Variants in DLEC1 observed in about 807,000 individuals in gnomAD.
DLEC1 encodes the protein DLEC1 cilia and flagella associated protein, also known as deleted in lung and esophageal cancer protein 1.
A neutral mutation model predicts 198.1 loss-of-function variants in DLEC1; 146 were observed. That is an observed-to-expected ratio of 0.74 (90% CI 0.64 to 0.85). The LOEUF (loss-of-function observed/expected upper bound fraction) is 0.85. DLEC1 is among the 40% of genes least tolerant of loss of function. DLEC1 has a pLI of 0.00. For synonymous variants in DLEC1, 897 were observed against 866.8 expected (o/e 1.03, Z -0.61); for missense variants, 2,233 against 2,220.0 (o/e 1.01, Z -0.12).
rs188436496 is a variant in DLEC1 at position 38,093,803 on chromosome 3, C to T, written c.1919+36C>T. ...CCTGTGTGTGCCCCAATACCCAACC[C>T]TTCTTCTTGCTTACCTGGCCCTCAG... On this transcript the variant is annotated intron_variant, in intron 12 of 36. Coordinates refer to ENST00000308059, the MANE Select transcript of DLEC1 (RefSeq NM_007335.4). The T allele has an allele frequency of 4.9e-5, 78 of 1,607,442 alleles. No individual in the cohort carries two copies. In the East Asian group the frequency reaches 1.7e-3, roughly 35 times the overall value.
At chr3:38,117,174 AG>A in intron 30 of DLEC1, 33 bp from the exon 31 acceptor site, 1 of 1,614,114 alleles carries the variant, frequency 6.2e-7, no homozygotes, top group Non-Finnish European at 8.5e-7. Context: ...TACTCAGCCC[AG>A]GGATCAGCTG....
intron 34 of DLEC1, among the ~76,000 whole-genome samples, chr3:38,120,991 C>G (rs746330328): frequency 6.6e-6 from 1 of 152,194 alleles, no homozygotes; most frequent in East Asian, 1.9e-4. Context: ...CTGGGGCTTG[C>G]CAGGCTTCAA....
chr3:38,098,026 G>GGCCGAAGTCACCAGGCA, intron 18 of DLEC1, 124 bp downstream of exon 18: 1 of 1,282,826 alleles, frequency 7.8e-7, no homozygotes, highest in Non-Finnish European at 1.1e-6. Flanking sequence ...AAGCCTGCCT[G>GGCCGAAGTCACCAGGCA]GTGACTTCGG....
chr3:38,084,115 A>T, intron 6 of DLEC1, 43 bp from the exon 7 acceptor site: 2 of 1,571,750 alleles, frequency 1.3e-6, no homozygotes, highest in Middle Eastern at 3.4e-4. Flanking sequence ...CATTTCGTCT[A>T]TAAGTGTTGC....
chr3:38,081,718 T>C (rs1698018090), intron 6 of DLEC1, among the ~76,000 whole-genome samples: 1 of 60,952 alleles, frequency 1.6e-5, no homozygotes, highest in Admixed American at 1.5e-4. Context: ...GCTGAGGGGC[T>C]CCTCACTTCC....
At chr3:38,108,575 C>A in intron 21 of DLEC1, 60 bp downstream of exon 21, 1 of 1,371,858 alleles carries the variant, frequency 7.3e-7, no homozygotes, top group Non-Finnish European at 1.0e-6. Context: ...CCATACGCAC[C>A]TGTGCCACCA....
In DLEC1 at chr3:38,122,686, G is replaced by A; in HGVS notation, c.*274G>A. The A allele has an allele frequency of 7.1e-7, 1 of 1,412,984 alleles. No individual in the cohort carries two copies. Among genetic ancestry groups the A allele is most frequent in the Non-Finnish European group, 9.2e-7 (1 of 1,082,844 alleles). The allele number at this position is 1,412,984 out of a possible 1,614,324, so 87.5% of individuals were successfully genotyped here. On this transcript the variant is annotated 3_prime_UTR_variant, in exon 37 of 37. Coordinates refer to ENST00000308059, the MANE Select transcript of DLEC1 (RefSeq NM_007335.4). ...AGCGAAGACCAGTATGGCAAAATTA[G>A]TCTTGGAAAAAAACCACAGCCACTA...
chr3:38,123,192 G>A lies in DLEC1; in HGVS notation c.*780G>A. On this transcript the variant is annotated 3_prime_UTR_variant, in exon 37 of 37. Transcript: ENST00000308059. The stretch of plus-strand genomic sequence containing the variant: ...ATTACCTCCAGACCAGGCTGACCCA[G>A]AAGGACGTCATGGACAAGTAGGATG... 6.8e-7 allele frequency: 1 copy of A among 1,469,196 alleles called. No homozygotes were observed. The highest frequency in any genetic ancestry group is 9.5e-7 in the Non-Finnish European group (1 of 1,049,700). 91.0% of individuals were successfully genotyped at this position (1,469,196 alleles called of 1,614,324 possible). A position where few individuals can be genotyped will look rare whatever the true frequency, so the allele number is the denominator to read the frequency against.
intron 27 of DLEC1, 52 bp from the exon 28 acceptor site, chr3:38,116,401 G>C: frequency 6.3e-7 from 1 of 1,599,794 alleles, no homozygotes; most frequent in East Asian, 2.3e-5. Context: ...GGGCCCCGGG[G>C]GGTTGTCTGC....
chr3:38,069,631 G>A (rs1697211362), intron 6 of DLEC1, among the ~76,000 whole-genome samples: 1 of 152,184 alleles, frequency 6.6e-6, no homozygotes, highest in Non-Finnish European at 1.5e-5. Flanking sequence ...GTTAAGGAAA[G>A]CCAGTCCATG....
chr3:38,039,302 C>T lies in DLEC1; in HGVS notation c.77C>T (p.Pro26Leu). ...GAGTGCCAGGGGACAATGTGGGCGC[C>T]AACTTCGCCACCAGCCGGGTCCAGC... ...TNECQGTMWA[P>L]TSPPAGSSSP... is the part of the protein sequence containing the mutation. Residue 26 changes from proline to leucine, a missense_variant, in exon 1 of 37, where the codon CCA (proline) becomes CTA (leucine). Pro to Leu is a moderately conservative substitution (Grantham distance 98). Coordinates refer to ENST00000308059, the MANE Select transcript of DLEC1 (RefSeq NM_007335.4). The T allele has an allele frequency of 6.2e-7, 1 of 1,614,208 alleles. No individual in the cohort carries two copies. Among genetic ancestry groups the T allele is most frequent in the Non-Finnish European group, 8.5e-7 (1 of 1,180,026 alleles).
At chr3:38,107,311 C>T (rs1699616684) in intron 19 of DLEC1, among the ~76,000 whole-genome samples, 1 of 152,208 alleles carries the variant, frequency 6.6e-6, no homozygotes, top group African/African-American at 2.4e-5. Context: ...ATTTCTCTTA[C>T]ACCCGAGATT....
intron 27 of DLEC1, 46 bp from the exon 28 acceptor site, chr3:38,116,407 T>TCTGCTCCTCCCTTATTCCTCACC: frequency 6.2e-7 from 1 of 1,606,140 alleles, no homozygotes; most frequent in Non-Finnish European, 8.5e-7. Context: ...CGGGGGGTTG[T>TCTGCTCCTCCCTTATTCCTCACC]CTGCTCCTCC....
At chr3:38,081,706 G>A (rs1190469366) in intron 6 of DLEC1, among the ~76,000 whole-genome samples, 16 of 63,176 alleles carry the variant, frequency 2.5e-4, no homozygotes, top group East Asian at 7.2e-4. Flanking sequence ...GTGGCTGGCC[G>A]GGCTGAGGGG....
At position 38,123,260 on chromosome 3, in the gene DLEC1, C is replaced by T. The variant is rs1700580668; in HGVS notation, c.*848C>T. ...ATCTGTGGGCAAGCGGTACCCTGGC[C>T]TCCCACTTGGGCACACACACGGTGA... On this transcript the variant is annotated 3_prime_UTR_variant, in exon 37 of 37. Transcript: ENST00000308059. 3 of 754,218 alleles carry T rather than the reference C, an allele frequency of 4.0e-6. No homozygotes were observed. The South Asian group carries it at 4.8e-5, about 12-fold the overall frequency. 46.7% of individuals were successfully genotyped at this position (754,218 alleles called of 1,614,324 possible). A position where few individuals can be genotyped will look rare whatever the true frequency, so the allele number is the denominator to read the frequency against.
chr3:38,104,382 G>C (rs949603901), intron 19 of DLEC1, among the ~76,000 whole-genome samples: 8 of 152,140 alleles, frequency 5.3e-5, no homozygotes, highest in African/African-American at 1.9e-4. Context: ...GCTTGAACGT[G>C]GGAGGCAGAG....
intron 9 of DLEC1, 51 bp from the exon 10 acceptor site, chr3:38,088,244 AC>A: frequency 6.6e-7 from 1 of 1,516,346 alleles, no homozygotes; most frequent in Non-Finnish European, 9.1e-7. Flanking sequence ...CAATCTGAAT[AC>A]TGGCTTTTAC....
At chr3:38,060,804 C>T (rs1381153133) in intron 3 of DLEC1, among the ~76,000 whole-genome samples, 1 of 152,014 alleles carries the variant, frequency 6.6e-6, no homozygotes, top group African/African-American at 2.4e-5. Context: ...AAGCAATTCT[C>T]CTTCCTCAGC....
intron 7 of DLEC1, 93 bp from the exon 8 acceptor site, chr3:38,085,181 G>T: frequency 7.0e-7 from 1 of 1,422,144 alleles, no homozygotes; most frequent in Admixed American, 1.9e-5. Context: ...TACAGAGCCA[G>T]CCCTGGCAGG....
Sources: allele counts gnomAD v4.1 joint callset (sites outside exome capture counted in the v4.1 genomes callset), GRCh38; gene constraint gnomAD v4.1.1; transcripts MANE v1.5; gene names NCBI Gene and HGNC (gene_info 2026-07-23, HGNC 2026-07-21).